The following USH1C variants were observed in gnomAD, a reference collection of about 807,000 sequenced individuals.
The protein encoded by USH1C is harmonin.
USH1C carries 90 observed loss-of-function variants against 119.3 expected under a neutral mutation model. The ratio of observed to expected loss-of-function variants is 0.75; its 90% confidence interval spans 0.64 to 0.90. The LOEUF is 0.90. USH1C is among the 40% of genes least tolerant of loss of function. The pLI, the probability that USH1C is intolerant of heterozygous loss-of-function variation, is 0.00. For missense variants in USH1C, 1,165 were observed against 1,167.7 expected, an observed-to-expected ratio of 1.00 and a Z score of 0.03; for synonymous variants, 465 against 443.3, an observed-to-expected ratio of 1.05 and a Z score of -0.62.
intron 15 of USH1C, among the ~76,000 whole-genome samples, chr11:17,513,588 G>C (rs1207877611): frequency 6.6e-6 from 1 of 152,170 alleles, no homozygotes; most frequent in Non-Finnish European, 1.5e-5. Context: ...CTCCAGAGCA[G>C]TGTATGAGCC....
chr11:17,500,933 G>T, intron 23 of USH1C, 118 bp downstream of exon 23: 1 of 835,636 alleles, frequency 1.2e-6, no homozygotes, highest in Non-Finnish European at 2.0e-6. Flanking sequence ...ACCCGAGTGG[G>T]AGGGCATTCT....
At chr11:17,515,661 T>C (rs1850110978) in intron 15 of USH1C, among the ~76,000 whole-genome samples, 1 of 152,236 alleles carries the variant, frequency 6.6e-6, no homozygotes, top group South Asian at 2.1e-4. Flanking sequence ...AAGAGAGTTT[T>C]ACAAGGCCTG....
intron 18 of USH1C, among the ~76,000 whole-genome samples, chr11:17,507,029 A>G (rs561061466): frequency 2.8e-4 from 43 of 152,346 alleles, no homozygotes; most frequent in Non-Finnish European, 5.1e-4. Flanking sequence ...TCTGGCCCTG[A>G]AAACCCCCCT....
chr11:17,535,961 A>C (rs1342153821), intron 1 of USH1C, among the ~76,000 whole-genome samples: 1 of 152,220 alleles, frequency 6.6e-6, no homozygotes, highest in Non-Finnish European at 1.5e-5. Flanking sequence ...CAGGCCTGGC[A>C]GGGGAAAATA....
chr11:17,493,922 A>C lies in USH1C; in HGVS notation c.*410T>G. On this transcript the variant is annotated 3_prime_UTR_variant, in exon 27 of 27. Coordinates refer to ENST00000005226, the MANE Select transcript of USH1C (RefSeq NM_153676.4). ...AGCTGGAAAATAAATCTATTTTATT[A>C]ATGAGCTCAGAGTAAGGTTTGGAGT... The C allele has an allele frequency of 4.3e-6, 1 of 233,870 alleles. No individual in the cohort carries two copies. Among genetic ancestry groups the C allele is most frequent in the Non-Finnish European group, 8.6e-6 (1 of 116,632 alleles). 14.5% of individuals were successfully genotyped at this position (233,870 alleles called of 1,614,324 possible). A position where few individuals can be genotyped will look rare whatever the true frequency, so the allele number is the denominator to read the frequency against.
intron 22 of USH1C, 116 bp from the exon 23 acceptor site, chr11:17,501,266 C>T (rs941421438): frequency 2.1e-5 from 22 of 1,044,848 alleles, no homozygotes; most frequent in Non-Finnish European, 3.1e-5. Context: ...CATGGGGTCA[C>T]CGGCAGTGCC....
At chr11:17,498,708 G>A (rs147386185) in intron 23 of USH1C, among the ~76,000 whole-genome samples, 3 of 152,278 alleles carry the variant, frequency 2.0e-5, no homozygotes, top group Non-Finnish European at 4.4e-5. Flanking sequence ...TCTTCTTCTA[G>A]GTCTGAGAGG....
intron 24 of USH1C, among the ~76,000 whole-genome samples, chr11:17,497,522 T>C (rs1300208287): frequency 1.3e-5 from 2 of 152,230 alleles, no homozygotes; most frequent in African/African-American, 4.8e-5. Context: ...ATGTTACCCG[T>C]GAGTCTTCTC....
At position 17,522,121 on chromosome 11, in the gene USH1C, T is replaced by C. The variant is rs565884143; in HGVS notation, c.1019+663A>G. 2.2e-4 allele frequency among the ~76,000 whole-genome samples: 33 copies of C among 152,344 alleles called. No homozygotes were observed. The South Asian group carries it at 6.8e-3, about 32-fold the overall frequency. ...TGCTGGGATAACAGGCGTGAGTCAC[T>C]GCGTCCAGCCATGAAATACTTTTAA... On this transcript the variant is annotated intron_variant, in intron 12 of 26. Coordinates refer to ENST00000005226, the MANE Select transcript of USH1C (RefSeq NM_153676.4).
intron 20 of USH1C, among the ~76,000 whole-genome samples, chr11:17,502,714 C>A (rs551123602): frequency 6.6e-6 from 1 of 152,318 alleles, no homozygotes; most frequent in African/African-American, 2.4e-5. Context: ...AGAAACAAGA[C>A]AGTGAGGTGG....
Position 17,524,447 on chromosome 11 carries a change from T to G in USH1C, c.759+4A>C, listed in dbSNP as rs914915953. The G allele has an allele frequency of 2.5e-6, 4 of 1,569,296 alleles. No individual in the cohort carries two copies. The African/African-American group carries it at 5.4e-5, about 21-fold the overall frequency. ...CCCACTGGGGCCGGCCCAGCGTCAC[T>G]CACCTCCAATCCCACCTCAGCAGAC... On this transcript the variant is annotated splice_donor_region_variant and intron_variant, in intron 9 of 26. Transcript: ENST00000005226.
intron 16 of USH1C, 49 bp downstream of exon 16, chr11:17,511,853 C>A: frequency 6.3e-7 from 1 of 1,588,556 alleles, no homozygotes; most frequent in South Asian, 1.2e-5. Flanking sequence ...GGAGAACGAC[C>A]ACATTGTGTC....
At chr11:17,516,958 C>A (rs544325899) in intron 14 of USH1C, among the ~76,000 whole-genome samples, 161 of 152,250 alleles carry the variant, frequency 1.1e-3, no homozygotes, top group African/African-American at 3.1e-3. Context: ...CAGAGTAATA[C>A]CCCCAATCTG....
rs754819409 is a variant in USH1C at position 17,496,793 on chromosome 11, A to C, written c.2511T>G (p.Val837=). The C allele has an allele frequency of 1.2e-6, 2 of 1,614,236 alleles. No homozygotes were observed. The highest frequency in any genetic ancestry group is 1.7e-6 in the Non-Finnish European group (2 of 1,180,018). The change falls in exon 25 of 27, where the codon GTT becomes GTG. Residue 837 remains valine (V), a synonymous_variant. Coordinates refer to ENST00000005226, the MANE Select transcript of USH1C (RefSeq NM_153676.4). Reference sequence around the variant, plus strand: ...CATACTCCTTTGGGGGGCAGACGGCAACCACAAGGTCGATCCAGTCCTGTG... The same window carrying C: ...CATACTCCTTTGGGGGGCAGACGGCCACCACAAGGTCGATCCAGTCCTGTG... ...NQGGDWIDLV[V]AVCPPKEYDD... is the part of the protein sequence containing the mutation.
intron 26 of USH1C, 81 bp from the exon 27 acceptor site, chr11:17,494,457 G>C (rs1259680400): frequency 2.7e-6 from 4 of 1,485,374 alleles, no homozygotes; most frequent in Non-Finnish European, 1.8e-6. Context: ...GGCCCCACAA[G>C]GGGGAGTACC....
chr11:17,508,108 A>T (rs150126190), intron 18 of USH1C, among the ~76,000 whole-genome samples: 193 of 152,318 alleles, frequency 1.3e-3, no homozygotes, highest in Middle Eastern at 3.4e-3. Flanking sequence ...TGTTGAGGAA[A>T]AGCTACTGCT....
chr11:17,540,853 A>G (rs1198527250), intron 1 of USH1C, among the ~76,000 whole-genome samples: 1 of 152,174 alleles, frequency 6.6e-6, no homozygotes, highest in East Asian at 1.9e-4. Context: ...GATTCTCTAC[A>G]GAGCAGCCAG....
intron 14 of USH1C, chr11:17,516,579 C>T (rs1850156141): frequency 2.1e-6 from 1 of 467,148 alleles, no homozygotes. Context: ...GCCAGAACAT[C>T]AAAGAGAAAA....
rs117495144 is a variant in USH1C, at chr11:17,541,912, C to T, written c.36+2360G>A. The stretch of plus-strand genomic sequence containing the variant: ...TCTCATAGCTGAAGAAACTAAAACT[C>T]AGGGAGAGTGGGTGGCTTGGTCAAG... On this transcript the variant is annotated intron_variant, in intron 1 of 26. Coordinates refer to ENST00000005226, the MANE Select transcript of USH1C (RefSeq NM_153676.4). Among the ~76,000 whole-genome samples the T allele has an allele frequency of 9.8e-4, 149 of 152,304 alleles. 2 individuals carry two copies. In the East Asian group the frequency reaches 0.021, roughly 22 times the overall value.
Sources: allele counts gnomAD v4.1 joint callset (sites outside exome capture counted in the v4.1 genomes callset), GRCh38; gene constraint gnomAD v4.1.1; transcripts MANE v1.5; gene names NCBI Gene and HGNC (gene_info 2026-07-23, HGNC 2026-07-21).